Variants in GOLGA1 observed in about 807,000 individuals in gnomAD.
GOLGA1 encodes golgin subfamily A member 1.
A neutral mutation model predicts 119.7 loss-of-function variants in GOLGA1; 63 were observed. The observed-to-expected ratio is 0.53, with a 90% CI of 0.43 to 0.65. GOLGA1 has a LOEUF of 0.65. GOLGA1 is among the 30% of genes least tolerant of loss of function. The pLI is 0.00. For synonymous variants in GOLGA1, 318 were observed against 333.4 expected (o/e 0.95, Z 0.50); for missense variants, 798 against 912.8 (o/e 0.87, Z 1.62).
At chr9:124,923,582 ATTCT>A (rs1227297522) in intron 7 of GOLGA1, among the ~76,000 whole-genome samples, 3 of 152,344 alleles carry the variant, frequency 2.0e-5, no homozygotes, top group East Asian at 1.9e-4. Flanking sequence ...AGAGAATTTA[ATTCT>A]TTATTTAAAA....
chr9:124,889,279 A>T lies in GOLGA1; in HGVS notation c.1625T>A (p.Ile542Lys), dbSNP rs1395116315. Residue 542 changes from isoleucine (I) to lysine (K), a missense_variant, in exon 18 of 23, where the codon ATA becomes AAA. By Grantham distance (102) the Ile-to-Lys change is moderately radical. Coordinates refer to ENST00000373555, the MANE Select transcript of GOLGA1 (RefSeq NM_002077.4). ...ERGHNSALLQ[I>K]HQLQAELEAL... is the part of the protein sequence containing the mutation. Reference sequence around the variant, plus strand: ...CTCCAGCTCGGCCTGCAGCTGGTGTATCTGCAGCAGGGCAGAGTTGTGACC... The same window carrying T: ...CTCCAGCTCGGCCTGCAGCTGGTGTTTCTGCAGCAGGGCAGAGTTGTGACC... 1 of 1,613,862 alleles carries T rather than the reference A, an allele frequency of 6.2e-7. No individual in the cohort carries two copies. Among genetic ancestry groups the T allele is most frequent in the Non-Finnish European group, 8.5e-7 (1 of 1,179,894 alleles).
At chr9:124,916,542 A>C (rs938830112) in intron 10 of GOLGA1, among the ~76,000 whole-genome samples, 2 of 152,130 alleles carry the variant, frequency 1.3e-5, no homozygotes, top group African/African-American at 4.8e-5. Context: ...AAATACATAA[A>C]CTTAGAATTA....
intron 12 of GOLGA1, among the ~76,000 whole-genome samples, chr9:124,901,740 T>G (rs1158587860): frequency 1.3e-5 from 2 of 152,146 alleles, no homozygotes; most frequent in Non-Finnish European, 2.9e-5. Flanking sequence ...TGGTTGCTAA[T>G]TTTTGTATTT....
At chr9:124,933,681 C>T (rs1830813399) in intron 3 of GOLGA1, among the ~76,000 whole-genome samples, 1 of 152,184 alleles carries the variant, frequency 6.6e-6, no homozygotes, top group Non-Finnish European at 1.5e-5. Context: ...CCCCAAAGTG[C>T]TGGGATTACA....
At chr9:124,882,647 C>T (rs1829617172) in intron 19 of GOLGA1, 78 bp from the exon 20 acceptor site, 8 of 1,167,960 alleles carry the variant, frequency 6.8e-6, no homozygotes, top group South Asian at 3.8e-5. Context: ...GAAGATCCCA[C>T]GGGATCCCCT....
chr9:124,913,816 G>A (rs1830385204), intron 10 of GOLGA1, among the ~76,000 whole-genome samples: 2 of 152,230 alleles, frequency 1.3e-5, no homozygotes, highest in Admixed American at 6.5e-5. Flanking sequence ...TGAGATGCAA[G>A]AGGGATTAAC....
intron 3 of GOLGA1, among the ~76,000 whole-genome samples, chr9:124,937,027 A>G (rs995839417): frequency 1.3e-5 from 2 of 152,244 alleles, no homozygotes; most frequent in African/African-American, 4.8e-5. Flanking sequence ...TGGAAGAAAC[A>G]TATAAGTGGC....
At chr9:124,920,951 C>T (rs1424242321) in intron 10 of GOLGA1, among the ~76,000 whole-genome samples, 178 bp downstream of exon 10, 1 of 151,968 alleles carries the variant, frequency 6.6e-6, no homozygotes, top group East Asian at 1.9e-4. Flanking sequence ...TGCTAAGCAA[C>T]CCTTGTTCAG....
At chr9:124,899,553 G>C in intron 13 of GOLGA1, 75 bp from the exon 14 acceptor site, 1 of 1,376,530 alleles carries the variant, frequency 7.3e-7, no homozygotes, top group East Asian at 2.5e-5. Flanking sequence ...GGCCCTAGGT[G>C]AGAAGATGAG....
Position 124,931,397 on chromosome 9 carries a change from C to CG in GOLGA1, c.144_145insC (p.Gly49ArgfsTer17). 6.4e-7 allele frequency: 1 copy of CG among 1,559,480 alleles called. No individual in the cohort carries two copies. The highest frequency in any genetic ancestry group is 8.8e-7 in the Non-Finnish European group (1 of 1,130,220). On this transcript the variant is annotated frameshift_variant, in exon 4 of 23. Coordinates refer to ENST00000373555, the MANE Select transcript of GOLGA1 (RefSeq NM_002077.4). LOFTEE classifies it high-confidence loss of function. ...GAAAGATCTTCTCTGGAGCTGCTTC[C>CG]ATCGGAAGCCTGTTGAGGTAGACAC...
At chr9:124,918,502 T>C (rs1830495721) in intron 10 of GOLGA1, among the ~76,000 whole-genome samples, 1 of 152,150 alleles carries the variant, frequency 6.6e-6, no homozygotes, top group Admixed American at 6.5e-5. Flanking sequence ...TGTGGCCAGG[T>C]GCCTGTAATC....
At chr9:124,909,095 A>T (rs1233664823) in intron 11 of GOLGA1, among the ~76,000 whole-genome samples, 1 of 152,164 alleles carries the variant, frequency 6.6e-6, no homozygotes. Flanking sequence ...AGATCACTTT[A>T]GGTCAGGAGT....
At chr9:124,882,622 A>T in intron 19 of GOLGA1, 53 bp from the exon 20 acceptor site, 1 of 1,433,480 alleles carries the variant, frequency 7.0e-7, no homozygotes, top group South Asian at 1.2e-5. Flanking sequence ...ATGTTTCACC[A>T]AAGGAAACAG....
intron 15 of GOLGA1, among the ~76,000 whole-genome samples, chr9:124,893,292 C>A (rs948814086): frequency 6.6e-6 from 1 of 152,160 alleles, no homozygotes; most frequent in Non-Finnish European, 1.5e-5. Context: ...CTATTTGATT[C>A]CTTTTTTAAA....
At chr9:124,902,106 TTTATTA>T (rs917488825) in intron 12 of GOLGA1, among the ~76,000 whole-genome samples, 89 of 152,066 alleles carry the variant, frequency 5.9e-4, no homozygotes, top group South Asian at 4.4e-3. Context: ...CTTGGGGAGC[TTTATTA>T]TTATTATTAT....
At chr9:124,909,898 G>A (rs827432) in intron 11 of GOLGA1, among the ~76,000 whole-genome samples, 51,786 of 151,962 alleles carry the variant, frequency 0.34, 9,496 homozygotes, top group Middle Eastern at 0.45. Flanking sequence ...CTGAGTAGCT[G>A]GAATTACAGG....
At chr9:124,934,650 T>C (rs1010586445) in intron 3 of GOLGA1, among the ~76,000 whole-genome samples, 10 of 152,198 alleles carry the variant, frequency 6.6e-5, no homozygotes, top group African/African-American at 2.2e-4. Flanking sequence ...TTTACCATTA[T>C]GCTATAATAA....
At chr9:124,926,537 A>G (rs1159875987) in intron 7 of GOLGA1, among the ~76,000 whole-genome samples, 172 bp downstream of exon 7, 1 of 152,228 alleles carries the variant, frequency 6.6e-6, no homozygotes, top group East Asian at 1.9e-4. Flanking sequence ...GACATCCTGC[A>G]CATTCACCAA....
chr9:124,923,388 T>G lies in GOLGA1; in HGVS notation c.433-165A>C, dbSNP rs372418883. 1.6e-4 allele frequency among the ~76,000 whole-genome samples: 24 copies of G among 152,134 alleles called. No homozygotes were observed. The East Asian group carries it at 4.3e-3, about 27-fold the overall frequency. Reference sequence around the variant, plus strand: ...CTGGGCTCATGCAATCCTCCCGCCTTGGCCTCCCAAAGTGCTAAGATTACA... The same window carrying G: ...CTGGGCTCATGCAATCCTCCCGCCTGGGCCTCCCAAAGTGCTAAGATTACA... On this transcript the variant is annotated intron_variant, in intron 7 of 22. Coordinates refer to ENST00000373555, the MANE Select transcript of GOLGA1 (RefSeq NM_002077.4).
Sources: allele counts gnomAD v4.1 joint callset (sites outside exome capture counted in the v4.1 genomes callset), GRCh38; gene constraint gnomAD v4.1.1; transcripts MANE v1.5; gene names NCBI Gene and HGNC (gene_info 2026-07-23, HGNC 2026-07-21).